EYS: variants seen among roughly 807,000 people sequenced by gnomAD.
EYS encodes EGF-like photoreceptor maintenance factor.
In EYS, 250 loss-of-function variants were observed where a neutral mutation model predicts 282.1. That is an observed-to-expected ratio of 0.89 (90% CI 0.80 to 0.98). EYS has a LOEUF of 0.98. Among genes scored for constraint, EYS ranks in the 50% least tolerant of loss-of-function variants. The pLI is 0.00. For synonymous variants in EYS, 1,355 were observed against 1,282.9 expected (o/e 1.06, Z -1.20); for missense variants, 4,016 against 3,709.0 (o/e 1.08, Z -2.15).
At chr6:65,234,653 G>A (rs772946600) in intron 12 of EYS, among the ~76,000 whole-genome samples, 1 of 152,098 alleles carries the variant, frequency 6.6e-6, no homozygotes. Flanking sequence ...AAGACACACA[G>A]AATGCAAAGT....
chr6:65,074,021 CTT>C, intron 12 of EYS, among the ~76,000 whole-genome samples: 1 of 152,018 alleles, frequency 6.6e-6, no homozygotes, highest in Non-Finnish European at 1.5e-5. Context: ...TGAAGTTCGA[CTT>C]CTTCCCCTAG....
intron 2 of EYS, among the ~76,000 whole-genome samples, chr6:65,616,418 A>G (rs1324578704): frequency 6.6e-6 from 1 of 152,206 alleles, no homozygotes. Flanking sequence ...CAAACCCACA[A>G]GTTAGACCAA....
At chr6:64,222,655 T>C (rs1766137018) in intron 31 of EYS, among the ~76,000 whole-genome samples, 3 of 152,056 alleles carry the variant, frequency 2.0e-5, no homozygotes, top group Non-Finnish European at 4.4e-5. Flanking sequence ...TTAAATGACA[T>C]TGAGATTCTC....
intron 12 of EYS, among the ~76,000 whole-genome samples, chr6:65,163,016 C>G (rs141654006): frequency 6.6e-6 from 1 of 150,932 alleles, no homozygotes; most frequent in Non-Finnish European, 1.5e-5. Flanking sequence ...GAAATCTAAT[C>G]CCTTCAGTAC....
intron 35 of EYS, among the ~76,000 whole-genome samples, chr6:63,951,723 C>A (rs1236253864): frequency 6.6e-6 from 1 of 152,122 alleles, no homozygotes; most frequent in Non-Finnish European, 1.5e-5. Context: ...CCAACAATTT[C>A]ATCTTAAAGA....
chr6:64,520,015 T>C (rs1582846895), intron 26 of EYS, among the ~76,000 whole-genome samples: 1 of 151,760 alleles, frequency 6.6e-6, no homozygotes, highest in Admixed American at 6.6e-5. Flanking sequence ...TGGTCCAACA[T>C]TATGTGATTC....
intron 33 of EYS, among the ~76,000 whole-genome samples, chr6:64,030,970 G>T (rs113517991): frequency 0.027 from 4,081 of 152,332 alleles, 112 homozygotes; most frequent in East Asian, 0.07. Flanking sequence ...AGCAGTTGGG[G>T]TGTCCTGTTT....
intron 1 of EYS, among the ~76,000 whole-genome samples, chr6:65,691,410 C>A (rs2149844935): frequency 6.7e-6 from 1 of 150,314 alleles, no homozygotes; most frequent in Admixed American, 6.7e-5. Context: ...ATATCCTTTG[C>A]CTACTTTTTG....
At chr6:64,431,243 G>T (rs1262405180) in intron 28 of EYS, among the ~76,000 whole-genome samples, 1 of 151,940 alleles carries the variant, frequency 6.6e-6, no homozygotes, top group Admixed American at 6.6e-5. Flanking sequence ...TGTCTTCATG[G>T]TGTCTATCTT....
chr6:64,369,286 T>C (rs1772275874), intron 29 of EYS, among the ~76,000 whole-genome samples: 1 of 152,160 alleles, frequency 6.6e-6, no homozygotes, highest in African/African-American at 2.4e-5. Flanking sequence ...ATGTGTCTAT[T>C]TTTATACCAC....
chr6:65,061,288 A>T (rs1773567170), intron 12 of EYS, among the ~76,000 whole-genome samples: 1 of 152,018 alleles, frequency 6.6e-6, no homozygotes, highest in Non-Finnish European at 1.5e-5. Context: ...TAGTTTGAAC[A>T]CATTCAATAA....
At chr6:64,517,328 A>T (rs559118782) in intron 26 of EYS, among the ~76,000 whole-genome samples, 1 of 151,964 alleles carries the variant, frequency 6.6e-6, no homozygotes, top group South Asian at 2.1e-4. Context: ...ACACTGTAGG[A>T]TAATTTGCCA....
intron 30 of EYS, among the ~76,000 whole-genome samples, chr6:64,259,311 A>G (rs1767503969): frequency 6.6e-6 from 1 of 152,056 alleles, no homozygotes; most frequent in Non-Finnish European, 1.5e-5. Context: ...CAACTTGTCT[A>G]AACATTTAGA....
chr6:65,294,883 T>C (rs2150285590), intron 12 of EYS, among the ~76,000 whole-genome samples: 1 of 152,084 alleles, frequency 6.6e-6, no homozygotes, highest in South Asian at 2.1e-4. Context: ...TGAAGTAATA[T>C]GACCAACTTT....
chr6:65,652,569 T>C (rs748109872), intron 1 of EYS, among the ~76,000 whole-genome samples: 19 of 151,906 alleles, frequency 1.3e-4, no homozygotes, highest in Non-Finnish European at 2.5e-4. Context: ...AGTGTAAATA[T>C]AGAGAGCACC....
At chr6:64,897,377 A>T (rs1256161265) in intron 18 of EYS, among the ~76,000 whole-genome samples, 3 of 152,202 alleles carry the variant, frequency 2.0e-5, no homozygotes, top group African/African-American at 7.2e-5. Flanking sequence ...TGTTAGAAGG[A>T]TATCTAACAG....
At chr6:64,275,684 C>T (rs1178049832) in intron 30 of EYS, among the ~76,000 whole-genome samples, 2 of 151,360 alleles carry the variant, frequency 1.3e-5, no homozygotes, top group East Asian at 2.0e-4. Flanking sequence ...TGGCCAGGCG[C>T]GGTGGCTCAC....
rs376313539 is a variant in EYS at position 64,940,972 on chromosome 6, GTGTT to G, written c.2381+4817_2381+4820del. On this transcript the variant is annotated intron_variant, in intron 15 of 42. Transcript: ENST00000503581. ...TCCTTTGTAAAATAATCATCTGAGT[GTGTT>G]TGTATGCAATTCATCTGCTTCTGAA... is the stretch of plus-strand genomic sequence containing the variant. 1.9e-3 allele frequency among the ~76,000 whole-genome samples: 293 copies of G among 152,164 alleles called. 1 individual carries two copies. Among genetic ancestry groups the G allele is most frequent in the African/African-American group, 6.8e-3 (283 of 41,530 alleles).
intron 31 of EYS, among the ~76,000 whole-genome samples, chr6:64,086,898 A>G (rs921727816): frequency 2.0e-5 from 3 of 152,132 alleles, no homozygotes; most frequent in Non-Finnish European, 4.4e-5. Flanking sequence ...ACATAGTTGG[A>G]ATGTCACTTA....
Sources: gnomAD v4.1 joint callset for allele counts (sites outside exome capture counted in the v4.1 genomes callset) on GRCh38, gnomAD v4.1.1 for gene constraint, MANE v1.5 for transcripts, NCBI Gene and HGNC (gene_info 2026-07-23, HGNC 2026-07-21) for gene names.